Variants in KCNQ5 observed in about 807,000 individuals in gnomAD.
The protein encoded by KCNQ5 is potassium voltage-gated channel subfamily Q member 5, also known as potassium voltage-gated channel subfamily KQT member 5.
KCNQ5 carries 30 observed loss-of-function variants against 98.2 expected under a neutral mutation model. The observed-to-expected ratio is 0.31, with a 90% CI of 0.23 to 0.41. The LOEUF (loss-of-function observed/expected upper bound fraction) is 0.41. Ranked by LOEUF, KCNQ5 falls within the 10% of genes least tolerant of loss-of-function variation. KCNQ5 has a pLI of 1.00. For missense variants in KCNQ5, 835 were observed against 1,182.5 expected (o/e 0.71, Z 4.31); for synonymous variants, 458 against 449.4 (o/e 1.02, Z -0.24).
chr6:72,962,240 C>CAT (rs1169832539), intron 1 of KCNQ5, among the ~76,000 whole-genome samples: 6 of 142,096 alleles, frequency 4.2e-5, no homozygotes, highest in African/African-American at 7.8e-5. Context: ...TATATATACA[C>CAT]ATATATATAT....
Position 73,077,336 on chromosome 6 carries a change from A to G in KCNQ5, c.631A>G (p.Ile211Val), listed in dbSNP as rs534690195. ...GTTTCTTTCAGATACCATTGTTCTTATCGCTTCAATAGCAGTTGTTTCTGC... is the reference window on the plus strand; with the variant it reads ...GTTTCTTTCAGATACCATTGTTCTTGTCGCTTCAATAGCAGTTGTTTCTGC... ...PFCVIDTIVLIASIAVVSAKT... is the reference protein window; with the variant it reads ...PFCVIDTIVLVASIAVVSAKT... The change falls in exon 4 of 14, where the codon ATC (isoleucine) becomes GTC (valine). Residue 211 changes from isoleucine to valine, a missense_variant. This residue lies in a region of KCNQ5 where 48 missense variants were observed against 112.1 expected (regional missense o/e 0.43). Coordinates refer to ENST00000370398, the MANE Select transcript of KCNQ5 (RefSeq NM_019842.4). The G allele has an allele frequency of 6.2e-7, 1 of 1,614,062 alleles. No individual in the cohort carries two copies. Among genetic ancestry groups the G allele is most frequent in the South Asian group, 1.1e-5 (1 of 91,062 alleles).
intron 3 of KCNQ5, among the ~76,000 whole-genome samples, chr6:73,075,899 G>C (rs1168765428): frequency 1.3e-5 from 2 of 152,118 alleles, no homozygotes; most frequent in African/African-American, 2.4e-5. Context: ...ACAAAAATTA[G>C]CCAGGCGTGT....
At chr6:73,082,382 G>A (rs776761740) in intron 5 of KCNQ5, among the ~76,000 whole-genome samples, 3 of 152,150 alleles carry the variant, frequency 2.0e-5, no homozygotes, top group Non-Finnish European at 4.4e-5. Context: ...AATTCAAAAC[G>A]TCATGACCTT....
intron 1 of KCNQ5, among the ~76,000 whole-genome samples, chr6:72,914,886 C>A (rs2150209837): frequency 6.6e-6 from 1 of 151,972 alleles, no homozygotes; most frequent in East Asian, 1.9e-4. Flanking sequence ...AGAATGCAGG[C>A]CCAGCAAGTC....
intron 1 of KCNQ5, among the ~76,000 whole-genome samples, chr6:72,729,487 C>T (rs1770451879): frequency 1.3e-5 from 2 of 152,200 alleles, no homozygotes; most frequent in South Asian, 4.1e-4. Flanking sequence ...AGGGTTTCGC[C>T]ATGTTGGCCA....
Position 72,622,519 on chromosome 6 carries a change from G to A in KCNQ5, c.330G>A (p.Arg110=). The A allele has an allele frequency of 6.2e-7, 1 of 1,608,020 alleles. No individual in the cohort carries two copies. Among genetic ancestry groups the A allele is most frequent in the Non-Finnish European group, 8.5e-7 (1 of 1,177,546 alleles). The change falls in exon 1 of 14, where the codon CGG becomes CGA. Residue 110 remains arginine, a synonymous_variant. Transcript: ENST00000370398. This position sits in a 1 kb window ranked among gnomAD's most constrained non-coding sequence, Gnocchi z 6.0. ...GCCGGCGCAACGTCAAGTACCGGCGGGTGCAGAACTACCTGTACAACGTGC... is the reference window on the plus strand; with the variant it reads ...GCCGGCGCAACGTCAAGTACCGGCGAGTGCAGAACTACCTGTACAACGTGC... The part of the protein sequence containing the change: ...QSCRRNVKYR[R]VQNYLYNVLE...
intron 8 of KCNQ5, among the ~76,000 whole-genome samples, chr6:73,121,616 A>C (rs988866103): frequency 6.6e-6 from 1 of 152,176 alleles, no homozygotes; most frequent in Non-Finnish European, 1.5e-5. Flanking sequence ...TAGTGGCTTC[A>C]TGGGATTCAG....
chr6:72,743,979 C>T lies in KCNQ5; in HGVS notation c.398+121392C>T, dbSNP rs564811211. Among the ~76,000 whole-genome samples the T allele has an allele frequency of 2.6e-5, 4 of 152,250 alleles. No individual in the cohort carries two copies. In the South Asian group the frequency reaches 8.3e-4, roughly 32 times the overall value. ...CTCATGCTTCATGTCTACAGGAGCT[C>T]AGCTTATGATCCCTTTGAGACCCAG... On this transcript the variant is annotated intron_variant, in intron 1 of 13. Transcript: ENST00000370398.
intron 1 of KCNQ5, among the ~76,000 whole-genome samples, chr6:72,990,014 A>C (rs1209276352): frequency 2.2e-5 from 1 of 44,776 alleles, no homozygotes; most frequent in African/African-American, 8.3e-5. Context: ...CCATTGATCT[A>C]TATCTCTGTT....
chr6:72,701,551 TG>T (rs1239201423), intron 1 of KCNQ5, among the ~76,000 whole-genome samples: 2 of 152,064 alleles, frequency 1.3e-5, no homozygotes, highest in Admixed American at 6.5e-5. Context: ...TAGAGACTTG[TG>T]GGGGCGGTTC....
chr6:72,651,784 A>G (rs1478255671), intron 1 of KCNQ5, among the ~76,000 whole-genome samples: 2 of 152,074 alleles, frequency 1.3e-5, no homozygotes, highest in Non-Finnish European at 2.9e-5. Context: ...GGAAAATAGA[A>G]TAACTCAAGG....
intron 1 of KCNQ5, among the ~76,000 whole-genome samples, chr6:72,947,382 G>T (rs149106708): frequency 6.6e-5 from 10 of 152,208 alleles, no homozygotes; most frequent in African/African-American, 2.4e-4. Flanking sequence ...TTATAGAAGA[G>T]GGGCAGAGTT....
At chr6:73,041,846 G>A (rs1771718650) in intron 2 of KCNQ5, 90 bp from the exon 3 acceptor site, 1 of 1,398,776 alleles carries the variant, frequency 7.1e-7, no homozygotes, top group Non-Finnish European at 1.0e-6. Context: ...TTTAGACAAA[G>A]TGCCTAAATG....
chr6:72,860,811 C>G (rs1777731974), intron 1 of KCNQ5, among the ~76,000 whole-genome samples: 1 of 151,114 alleles, frequency 6.6e-6, no homozygotes, highest in Non-Finnish European at 1.5e-5. Flanking sequence ...TAATGTATTC[C>G]TGGCTCATCA....
intron 2 of KCNQ5, among the ~76,000 whole-genome samples, chr6:73,004,984 G>A (rs2150323952): frequency 6.6e-6 from 1 of 152,318 alleles, no homozygotes; most frequent in South Asian, 2.1e-4. Flanking sequence ...CATATAACCT[G>A]AGAGAGGGGG....
chr6:72,649,130 G>A (rs558806162), intron 1 of KCNQ5, among the ~76,000 whole-genome samples: 1 of 152,150 alleles, frequency 6.6e-6, no homozygotes, highest in Non-Finnish European at 1.5e-5. Context: ...GTGCAACTGT[G>A]CATCTATGGA....
At position 72,795,653 on chromosome 6, in the gene KCNQ5, T is replaced by C. The variant is rs140191526; in HGVS notation, c.398+173066T>C. On this transcript the variant is annotated intron_variant, in intron 1 of 13. Coordinates refer to ENST00000370398, the MANE Select transcript of KCNQ5 (RefSeq NM_019842.4). ...AATACTAGGTGGGAGTAATATAACA[T>C]ATGAATCAGAATTGTATTAAAAGCA... 6.6e-4 allele frequency among the ~76,000 whole-genome samples: 101 copies of C among 152,268 alleles called. 3 individuals are homozygous for C. The highest frequency in any genetic ancestry group is 2.4e-3 in the African/African-American group (100 of 41,560).
rs561786934 is a variant in KCNQ5 at position 72,824,805 on chromosome 6, G to C, written c.399-179103G>C. Among the ~76,000 whole-genome samples, 14 of 151,676 alleles carry C rather than the reference G, an allele frequency of 9.2e-5. No homozygotes were observed. The South Asian group carries it at 1.2e-3, about 14-fold the overall frequency. ...TGTCTCTGTGTGTGTGTGTGTGTGTGTCTCTCTCTCTCATCTTTATACTAT... is the reference window on the plus strand; with the variant it reads ...TGTCTCTGTGTGTGTGTGTGTGTGTCTCTCTCTCTCTCATCTTTATACTAT... On this transcript the variant is annotated intron_variant, in intron 1 of 13. Coordinates refer to ENST00000370398, the MANE Select transcript of KCNQ5 (RefSeq NM_019842.4).
chr6:72,895,400 A>G (rs557931684), intron 1 of KCNQ5, among the ~76,000 whole-genome samples: 2 of 151,890 alleles, frequency 1.3e-5, no homozygotes. Context: ...AATGACAAGA[A>G]TGCTCCCCAA....
Sources: gnomAD v4.1 joint callset for allele counts (sites outside exome capture counted in the v4.1 genomes callset) on GRCh38, gnomAD v4.1.1 for gene constraint, gnomAD v4.1.1 regional missense constraint, Gnocchi (gnomAD v3.1) non-coding constraint, MANE v1.5 for transcripts, NCBI Gene and HGNC (gene_info 2026-07-23, HGNC 2026-07-21) for gene names.